Variants in TAFA5 observed in about 807,000 individuals in gnomAD.
The protein encoded by TAFA5 is TAFA chemokine like family member 5.
A neutral mutation model predicts 15.3 loss-of-function variants in TAFA5; 6 were observed. The ratio of observed to expected loss-of-function variants is 0.39; its 90% CI spans 0.21 to 0.77. TAFA5 has a LOEUF of 0.77. Ranked by LOEUF, TAFA5 falls within the 30% of genes least tolerant of loss-of-function variation. The pLI is 0.41. For synonymous variants in TAFA5, 103 were observed against 80.7 expected, an observed-to-expected ratio of 1.28 and a Z score of -1.48; for missense variants, 161 against 193.1, an observed-to-expected ratio of 0.83 and a Z score of 0.98.
chr22:48,731,376 T>G (rs1328145400), intron 3 of TAFA5, among the ~76,000 whole-genome samples: 1 of 152,226 alleles, frequency 6.6e-6, no homozygotes, highest in Non-Finnish European at 1.5e-5. Flanking sequence ...TGAAGGTGGC[T>G]CCATTAGACA....
chr22:48,678,319 C>G (rs1928040783), intron 2 of TAFA5, among the ~76,000 whole-genome samples: 1 of 152,226 alleles, frequency 6.6e-6, no homozygotes, highest in Non-Finnish European at 1.5e-5. Flanking sequence ...GGGCTCCACA[C>G]CTGGATGCAG....
chr22:48,740,864 C>T (rs1401202579), intron 3 of TAFA5, among the ~76,000 whole-genome samples: 1 of 152,186 alleles, frequency 6.6e-6, no homozygotes, highest in East Asian at 1.9e-4. Context: ...CCCGCCCTCA[C>T]CCCTGAGAAC....
intron 2 of TAFA5, among the ~76,000 whole-genome samples, chr22:48,702,473 C>T (rs1460426222): frequency 6.6e-6 from 1 of 152,084 alleles, no homozygotes. Flanking sequence ...CTTCTCCAGC[C>T]ACGTCCTAAG....
chr22:48,603,926 C>G (rs1194702226), intron 1 of TAFA5, among the ~76,000 whole-genome samples: 1 of 152,136 alleles, frequency 6.6e-6, no homozygotes, highest in Non-Finnish European at 1.5e-5. Flanking sequence ...GTGGTCAGAA[C>G]CCCCTGGCCT....
chr22:48,504,850 G>T (rs1031785524), intron 1 of TAFA5, among the ~76,000 whole-genome samples: 4 of 152,194 alleles, frequency 2.6e-5, no homozygotes, highest in African/African-American at 9.6e-5. Context: ...AGCTGCCAGG[G>T]CAGGGTGGGG....
chr22:48,514,372 T>G (rs73888404), intron 1 of TAFA5, among the ~76,000 whole-genome samples: 6,486 of 152,312 alleles, frequency 0.043, 457 homozygotes, highest in African/African-American at 0.15. Context: ...AATTGATTAA[T>G]AAATTCATTG....
In TAFA5 at chr22:48,707,828, G is replaced by A. The variant is rs966719764; in HGVS notation, c.374G>A (p.Arg125Lys). The A allele has an allele frequency of 2.8e-5, 45 of 1,613,460 alleles. No individual in the cohort carries two copies. In the Admixed American group the frequency reaches 3.8e-4, roughly 14 times the overall value. Residue 125 changes from arginine to lysine, a missense_variant, in exon 3 of 4, where the codon AGG becomes AAG. Arg to Lys is a conservative substitution (Grantham distance 26). Coordinates refer to ENST00000402357, the MANE Select transcript of TAFA5 (RefSeq NM_001082967.3). The part of the protein sequence containing the change: ...SGWTCTQPGG[R>K]IKTTTVS The stretch of plus-strand genomic sequence containing the variant: ...TGGACGTGCACGCAGCCCGGCGGGA[G>A]GATAAAGACCACCACGGTATGTGGC...
Position 48,686,795 on chromosome 22 carries a change from G to A in TAFA5, c.263-20922G>A, listed in dbSNP as rs1364311910. ...GGATGGATGGATGGATGGTAGACAA[G>A]TGGATGGATGGATGGATTGGAGGAA... On this transcript the variant is annotated intron_variant, in intron 2 of 3. Coordinates refer to ENST00000402357, the MANE Select transcript of TAFA5 (RefSeq NM_001082967.3). Among the ~76,000 whole-genome samples, 2 of 150,882 alleles carry A rather than the reference G, an allele frequency of 1.3e-5. 1 individual carries two copies. Among genetic ancestry groups the A allele is most frequent in the East Asian group, 3.9e-4 (2 of 5,144 alleles).
intron 3 of TAFA5, among the ~76,000 whole-genome samples, chr22:48,740,266 G>A (rs1025409438): frequency 5.3e-5 from 8 of 152,160 alleles, no homozygotes; most frequent in African/African-American, 1.7e-4. Context: ...CTGGGAGGAC[G>A]GCAGGGCAGG....
chr22:48,729,540 C>T (rs1299504515), intron 3 of TAFA5, among the ~76,000 whole-genome samples: 3 of 147,890 alleles, frequency 2.0e-5, no homozygotes, highest in South Asian at 4.2e-4. Context: ...GCCTCTTACA[C>T]CAGTCAGTCA....
intron 1 of TAFA5, among the ~76,000 whole-genome samples, chr22:48,535,625 G>A (rs1033528183): frequency 2.7e-5 from 4 of 150,624 alleles, no homozygotes; most frequent in East Asian, 1.9e-4. Context: ...TGGTCACACC[G>A]GCACATGTGA....
At chr22:48,685,061 T>C (rs924329503) in intron 2 of TAFA5, among the ~76,000 whole-genome samples, 23 of 152,208 alleles carry the variant, frequency 1.5e-4, no homozygotes, top group African/African-American at 4.8e-4. Context: ...CATAAGTCAG[T>C]GCACTTAAGA....
chr22:48,698,026 A>G (rs56392180), intron 2 of TAFA5, among the ~76,000 whole-genome samples: 96,565 of 149,830 alleles, frequency 0.64, 31,576 homozygotes, highest in African/African-American at 0.77. Flanking sequence ...ATGATGGTGA[A>G]GATAATGGTG....
chr22:48,562,434 G>A (rs953926892), intron 1 of TAFA5, among the ~76,000 whole-genome samples: 14 of 152,180 alleles, frequency 9.2e-5, no homozygotes, highest in South Asian at 6.2e-4. Flanking sequence ...CACCGCGCCC[G>A]GCCCCGCGGA....
At chr22:48,527,833 C>G (rs1921831667) in intron 1 of TAFA5, among the ~76,000 whole-genome samples, 1 of 152,214 alleles carries the variant, frequency 6.6e-6, no homozygotes, top group Non-Finnish European at 1.5e-5. Context: ...CTGAGATGCG[C>G]CGGGTGTTTC....
At chr22:48,593,768 A>G (rs1398271277) in intron 1 of TAFA5, among the ~76,000 whole-genome samples, 4 of 152,046 alleles carry the variant, frequency 2.6e-5, no homozygotes, top group Non-Finnish European at 4.4e-5. Context: ...CCAGGCCTCC[A>G]CTTCCCGATC....
intron 3 of TAFA5, among the ~76,000 whole-genome samples, chr22:48,722,229 A>G (rs908547003): frequency 6.6e-6 from 1 of 152,182 alleles, no homozygotes; most frequent in Non-Finnish European, 1.5e-5. Context: ...AATGACCGCC[A>G]TTCTAATTGG....
intron 1 of TAFA5, among the ~76,000 whole-genome samples, chr22:48,577,537 G>A (rs1437627284): frequency 6.6e-6 from 1 of 152,236 alleles, no homozygotes; most frequent in South Asian, 2.1e-4. Context: ...GGAAGGCTGA[G>A]CACCGGAGGG....
intron 1 of TAFA5, among the ~76,000 whole-genome samples, chr22:48,493,659 A>T (rs1928230274): frequency 6.6e-6 from 1 of 152,194 alleles, no homozygotes; most frequent in African/African-American, 2.4e-5. Flanking sequence ...GCACAAGAAG[A>T]TGGGATGTTT....
Sources: allele counts gnomAD v4.1 joint callset (sites outside exome capture counted in the v4.1 genomes callset), GRCh38; gene constraint gnomAD v4.1.1; transcripts MANE v1.5; gene names NCBI Gene and HGNC (gene_info 2026-07-23, HGNC 2026-07-21).